The following ASNS variants were observed in gnomAD, a reference collection of about 807,000 sequenced individuals.
ASNS encodes asparagine synthetase [glutamine-hydrolyzing].
In ASNS, 37 loss-of-function variants were observed where a neutral mutation model predicts 62.6. That is an observed-to-expected ratio of 0.59 (90% CI 0.45 to 0.78). The LOEUF is 0.78. ASNS is among the 30% of genes least tolerant of loss of function. The pLI is 0.00. For synonymous variants in ASNS, 207 were observed against 237.9 expected (o/e 0.87, Z 1.19); for missense variants, 520 against 682.4 (o/e 0.76, Z 2.65).
At chr7:97,896,739 C>CAAATATATATATATATATATAT in the ASNS span, among the ~76,000 whole-genome samples, 2 of 32,000 alleles carry the variant, frequency 6.3e-5, no homozygotes, top group Non-Finnish European at 8.0e-5. Context: ...CACACACACA[C>CAAATATATATATATATATATAT]ACATATATAT....
At chr7:97,872,153 G>A (rs1352021021) in intron 1 of ASNS, 198 bp downstream of exon 1, 1 of 152,302 alleles carries the variant, frequency 6.6e-6, no homozygotes, top group Non-Finnish European at 1.5e-5. Flanking sequence ...TAGCTGTCAG[G>A]TGCGTAACAA....
the ASNS span, among the ~76,000 whole-genome samples, chr7:97,926,506 C>A: frequency 6.6e-6 from 1 of 152,148 alleles, no homozygotes; most frequent in Non-Finnish European, 1.5e-5. Flanking sequence ...GATCCTCACA[C>A]CAGCCTGACA....
At chr7:97,915,548 C>T in the ASNS span, among the ~76,000 whole-genome samples, 28 of 152,280 alleles carry the variant, frequency 1.8e-4, no homozygotes, top group Non-Finnish European at 3.8e-4. Context: ...AACAGGAAGC[C>T]GTAGCTGAGC....
At chr7:97,858,444 T>G in intron 6 of ASNS, 39 bp from the exon 7 acceptor site, 1 of 1,612,636 alleles carries the variant, frequency 6.2e-7, no homozygotes, top group South Asian at 1.1e-5. Flanking sequence ...CCTAGTTATG[T>G]GCCTTGCATA....
At chr7:97,889,375 C>T in the ASNS span, among the ~76,000 whole-genome samples, 51 of 152,152 alleles carry the variant, frequency 3.4e-4, 1 homozygote, top group East Asian at 7.9e-3. Context: ...AAATTAGCTG[C>T]GCATGGTTGT....
chr7:97,867,289 T>G (rs966553412), intron 3 of ASNS, among the ~76,000 whole-genome samples: 1 of 131,096 alleles, frequency 7.6e-6, no homozygotes, highest in African/African-American at 2.5e-5. Flanking sequence ...GTAAACTTTA[T>G]TTTTACCAAA....
At chr7:97,914,460 T>C in the ASNS span, among the ~76,000 whole-genome samples, 12 of 152,172 alleles carry the variant, frequency 7.9e-5, no homozygotes, top group African/African-American at 2.9e-4. Context: ...TAACAGAAGA[T>C]GTTGAGTGAT....
the ASNS span, among the ~76,000 whole-genome samples, chr7:97,919,789 G>A: frequency 7.2e-5 from 11 of 152,132 alleles, no homozygotes; most frequent in African/African-American, 1.9e-4. Context: ...AGAACAGGGC[G>A]CCACACAGAG....
chr7:97,903,737 T>C, the ASNS span, among the ~76,000 whole-genome samples: 154 of 152,362 alleles, frequency 1.0e-3, no homozygotes, highest in African/African-American at 3.5e-3. Context: ...CATTTTATTG[T>C]CAATTTTCTT....
At chr7:97,883,829 T>C in the ASNS span, among the ~76,000 whole-genome samples, 6 of 151,748 alleles carry the variant, frequency 4.0e-5, no homozygotes, top group South Asian at 1.0e-3. Flanking sequence ...CTACTAAAAA[T>C]ACAAAAAAAT....
At chr7:97,895,375 T>C in the ASNS span, among the ~76,000 whole-genome samples, 1 of 152,200 alleles carries the variant, frequency 6.6e-6, no homozygotes, top group Non-Finnish European at 1.5e-5. Context: ...GCCAGAGTGA[T>C]CAGACAAGAT....
chr7:97,905,966 T>C, the ASNS span, among the ~76,000 whole-genome samples: 1 of 152,234 alleles, frequency 6.6e-6, no homozygotes, highest in African/African-American at 2.4e-5. Flanking sequence ...TCAATCCCTC[T>C]GATGCAGATG....
chr7:97,888,297 C>T, the ASNS span, among the ~76,000 whole-genome samples: 4 of 151,522 alleles, frequency 2.6e-5, no homozygotes, highest in Non-Finnish European at 4.4e-5. Context: ...AAATAGAAAC[C>T]TTATTTTATT....
intron 12 of ASNS, among the ~76,000 whole-genome samples, chr7:97,852,840 G>A (rs142010574): frequency 2.0e-5 from 3 of 152,140 alleles, no homozygotes; most frequent in East Asian, 1.9e-4. Flanking sequence ...TAATTCTTAC[G>A]TAATTCTTAC....
the ASNS span, among the ~76,000 whole-genome samples, chr7:97,919,563 G>GC: frequency 1.3e-5 from 2 of 152,336 alleles, no homozygotes; most frequent in African/African-American, 4.8e-5. Context: ...CCGTGCACAT[G>GC]CCCTCCCAGG....
intron 6 of ASNS, among the ~76,000 whole-genome samples, 168 bp downstream of exon 6, chr7:97,858,686 A>G (rs1791574049): frequency 6.6e-6 from 1 of 152,234 alleles, no homozygotes; most frequent in African/African-American, 2.4e-5. Flanking sequence ...AAGTTGGAGT[A>G]TGACTATGAC....
At chr7:97,873,477 A>G (rs1247362259), upstream of ASNS, among the ~76,000 whole-genome samples, 1 of 152,202 alleles carries the variant, frequency 6.6e-6, no homozygotes, top group Non-Finnish European at 1.5e-5. Flanking sequence ...CTTAGTAGTT[A>G]CAGGCAAGAG....
the ASNS span, among the ~76,000 whole-genome samples, chr7:97,883,224 A>T: frequency 6.6e-6 from 1 of 152,056 alleles, no homozygotes; most frequent in Non-Finnish European, 1.5e-5. Context: ...CAAAAAAAAA[A>T]TTCATATGTC....
In ASNS at chr7:97,852,915, T is replaced by C. The variant is rs748766758; in HGVS notation, c.1476+145A>G. ...ATAGGGACATCCTATCAGAGAGATA[T>C]CTGATGTATGTATCATTCAAACTAA... On this transcript the variant is annotated intron_variant, in intron 12 of 12. Coordinates refer to ENST00000394308, the MANE Select transcript of ASNS (RefSeq NM_001673.5). The C allele has an allele frequency of 6.7e-4, 470 of 704,366 alleles. 1 individual carries two copies. The highest frequency in any genetic ancestry group is 1.9e-3 in the Admixed American group (52 of 27,704). The allele number at this position is 704,366 out of a possible 1,614,324, so 43.6% of individuals were successfully genotyped here.
Sources: gnomAD v4.1 joint callset for allele counts (sites outside exome capture counted in the v4.1 genomes callset) on GRCh38, gnomAD v4.1.1 for gene constraint, MANE v1.5 for transcripts, NCBI Gene and HGNC (gene_info 2026-07-23, HGNC 2026-07-21) for gene names.